The following NRXN1 variants were observed in gnomAD, a reference collection of about 807,000 sequenced individuals.
NRXN1 encodes neurexin-1.
In NRXN1, 39 loss-of-function variants were observed where a neutral mutation model predicts 150.9. The ratio of observed to expected loss-of-function variants is 0.26; its 90% CI spans 0.20 to 0.34. The LOEUF is 0.34. Among genes scored for constraint, NRXN1 ranks in the 10% least tolerant of loss-of-function variants. The pLI is 1.00. For synonymous variants in NRXN1, 924 were observed against 757.0 expected (o/e 1.22, Z -3.62); for missense variants, 1,815 against 1,949.9 (o/e 0.93, Z 1.30).
intron 17 of NRXN1, among the ~76,000 whole-genome samples, chr2:50,459,869 T>A (rs1042661988): frequency 1.8e-4 from 27 of 152,212 alleles, no homozygotes; most frequent in African/African-American, 5.8e-4. Context: ...TGGCTCCAAG[T>A]GTCAACAGTT....
At chr2:50,445,285 A>T (rs901085509) in intron 17 of NRXN1, among the ~76,000 whole-genome samples, 2 of 152,186 alleles carry the variant, frequency 1.3e-5, no homozygotes, top group African/African-American at 4.8e-5. Context: ...GAACAGTTGT[A>T]AGGAAGGCAG....
chr2:50,201,632 G>A (rs1041088627), intron 18 of NRXN1, among the ~76,000 whole-genome samples: 1 of 152,138 alleles, frequency 6.6e-6, no homozygotes, highest in Non-Finnish European at 1.5e-5. Flanking sequence ...AGGTGTACTG[G>A]TTATCTGTTG....
intron 5 of NRXN1, among the ~76,000 whole-genome samples, chr2:50,797,666 T>G (rs1707031158): frequency 1.3e-5 from 2 of 152,226 alleles, no homozygotes; most frequent in Non-Finnish European, 2.9e-5. Context: ...GGTTTAGAAA[T>G]TATTCCAGCG....
intron 11 of NRXN1, 83 bp from the exon 12 acceptor site, chr2:50,528,734 C>T: frequency 1.2e-6 from 1 of 816,756 alleles, no homozygotes; most frequent in Non-Finnish European, 2.0e-6. Context: ...TACAGTCCAC[C>T]CTTCCGGGGA....
At chr2:50,146,898 A>G (rs1042687618) in intron 18 of NRXN1, among the ~76,000 whole-genome samples, 3 of 151,704 alleles carry the variant, frequency 2.0e-5, no homozygotes, top group African/African-American at 7.3e-5. Context: ...TATTCCTCTT[A>G]AGAATTTATT....
At chr2:50,896,604 T>C (rs778069728) in intron 5 of NRXN1, among the ~76,000 whole-genome samples, 10 of 152,102 alleles carry the variant, frequency 6.6e-5, no homozygotes, top group African/African-American at 1.9e-4. Context: ...CCCAGCACTT[T>C]GGGAGGCTGA....
intron 5 of NRXN1, among the ~76,000 whole-genome samples, chr2:50,896,126 C>T (rs1336346690): frequency 2.8e-4 from 43 of 152,224 alleles, no homozygotes; most frequent in Admixed American, 2.8e-3. Flanking sequence ...AAAATTATTT[C>T]TTACTATTTA....
Position 50,420,393 on chromosome 2 carries a change from A to G in NRXN1, c.3364+45049T>C, listed in dbSNP as rs558701941. 1.7e-3 allele frequency among the ~76,000 whole-genome samples: 253 copies of G among 151,586 alleles called. 2 individuals carry two copies. Among genetic ancestry groups the G allele is most frequent in the African/African-American group, 5.8e-3 (240 of 41,358 alleles). On this transcript the variant is annotated intron_variant, in intron 17 of 22. Transcript: ENST00000401669. ...GTTCTATTGTAATACACACATACAT[A>G]CATGTACACACACACACACACATAC...
intron 5 of NRXN1, among the ~76,000 whole-genome samples, chr2:50,661,406 G>T (rs1271214272): frequency 6.6e-6 from 1 of 152,062 alleles, no homozygotes; most frequent in Admixed American, 6.6e-5. Flanking sequence ...CAAATTAGGT[G>T]CATGAATTTC....
At position 50,347,083 on chromosome 2, in the gene NRXN1, C is replaced by T; in HGVS notation, c.3365-110113G>A. On this transcript the variant is annotated intron_variant, in intron 17 of 22. Transcript: ENST00000401669. This position sits in a 1 kb window ranked among gnomAD's most constrained non-coding sequence, Gnocchi z 4.9. ...CGCCTCACCGCGCCAGGGCACCCAT[C>T]CTCTCCCTCCTTCGGACAGTCTTCT... 2 of 1,383,726 alleles carry T rather than the reference C, an allele frequency of 1.4e-6. No homozygotes were observed. Among genetic ancestry groups the T allele is most frequent in the Non-Finnish European group, 1.9e-6 (2 of 1,053,332 alleles). 85.7% of individuals were successfully genotyped at this position (1,383,726 alleles called of 1,614,324 possible).
At chr2:50,357,334 G>A (rs2153006396) in intron 17 of NRXN1, among the ~76,000 whole-genome samples, 1 of 149,122 alleles carries the variant, frequency 6.7e-6, no homozygotes, top group South Asian at 2.1e-4. Flanking sequence ...TTGAGACAAA[G>A]TTTCACTCTT....
chr2:49,994,842 G>C (rs1175443100), intron 21 of NRXN1, among the ~76,000 whole-genome samples: 1 of 152,196 alleles, frequency 6.6e-6, no homozygotes, highest in Non-Finnish European at 1.5e-5. Flanking sequence ...TTAATAAACA[G>C]GTTGGTAGTT....
chr2:50,105,857 G>C (rs1273033650), intron 18 of NRXN1, among the ~76,000 whole-genome samples: 1 of 151,738 alleles, frequency 6.6e-6, no homozygotes, highest in Admixed American at 6.6e-5. Context: ...TACATACATA[G>C]TTTATATGGT....
At chr2:50,065,251 GA>G (rs1300840092) in intron 19 of NRXN1, among the ~76,000 whole-genome samples, 1 of 152,048 alleles carries the variant, frequency 6.6e-6, no homozygotes, top group African/African-American at 2.4e-5. Flanking sequence ...TTTACTGATG[GA>G]AAAACTGAGG....
At chr2:50,255,227 A>G (rs935898061) in intron 17 of NRXN1, among the ~76,000 whole-genome samples, 1 of 152,194 alleles carries the variant, frequency 6.6e-6, no homozygotes, top group Non-Finnish European at 1.5e-5. Flanking sequence ...ACTCAACGAT[A>G]TAAGATTTTT....
intron 5 of NRXN1, among the ~76,000 whole-genome samples, chr2:50,660,903 C>G (rs543391957): frequency 6.6e-6 from 1 of 152,104 alleles, no homozygotes; most frequent in South Asian, 2.1e-4. Flanking sequence ...AAGTTTCTGA[C>G]CTTAGAAAAT....
intron 13 of NRXN1, among the ~76,000 whole-genome samples, chr2:50,499,435 G>A (rs1269209269): frequency 1.3e-5 from 2 of 152,004 alleles, no homozygotes; most frequent in Non-Finnish European, 2.9e-5. Flanking sequence ...TCTATCTGAT[G>A]CAAAAGTACT....
At chr2:50,403,653 T>C (rs550375705) in intron 17 of NRXN1, among the ~76,000 whole-genome samples, 1 of 152,280 alleles carries the variant, frequency 6.6e-6, no homozygotes, top group East Asian at 1.9e-4. Context: ...ATGACTTTCC[T>C]AAATGTAACT....
Position 50,040,292 on chromosome 2 carries a change from G to A in NRXN1, c.4128+12979C>T, listed in dbSNP as rs376608931. 2.4e-4 allele frequency among the ~76,000 whole-genome samples: 37 copies of A among 151,382 alleles called. No homozygotes were observed. The East Asian group carries it at 4.4e-3, about 18-fold the overall frequency. On this transcript the variant is annotated intron_variant, in intron 21 of 22. Transcript: ENST00000401669. ...AAATTAATGGAACAAGAAATTAGAT[G>A]CAACTATATTACTTAAAGCAACAAA...
Sources: allele counts gnomAD v4.1 joint callset (sites outside exome capture counted in the v4.1 genomes callset), GRCh38; gene constraint gnomAD v4.1.1; non-coding constraint Gnocchi (gnomAD v3.1); transcripts MANE v1.5; gene names NCBI Gene and HGNC (gene_info 2026-07-23, HGNC 2026-07-21).